SHROOM2: variants seen among roughly 807,000 people sequenced by gnomAD.
SHROOM2 encodes the protein shroom family member 2.
A neutral mutation model predicts 75.9 loss-of-function variants in SHROOM2; 33 were observed. The observed-to-expected ratio is 0.43, with a 90% confidence interval of 0.33 to 0.58. The LOEUF is 0.58. Ranked by LOEUF, SHROOM2 falls within the 20% of genes least tolerant of loss-of-function variation. The pLI is 0.04. For synonymous variants in SHROOM2, 655 were observed against 663.6 expected (o/e 0.99, Z 0.20); for missense variants, 1,434 against 1,461.2 (o/e 0.98, Z 0.30).
chrX:9,787,348 G>GTT (rs2146717389), intron 1 of SHROOM2, among the ~76,000 whole-genome samples: 1 of 112,004 alleles, frequency 8.9e-6, no homozygotes, highest in East Asian at 2.8e-4. Flanking sequence ...TTGTGTGTGT[G>GTT]TGTGTGGTTT....
At chrX:9,890,740 T>A (rs2084286049) in intron 2 of SHROOM2, among the ~76,000 whole-genome samples, 1 of 106,449 alleles carries the variant, frequency 9.4e-6, no homozygotes, top group South Asian at 4.1e-4. Context: ...CTGTGTGTGG[T>A]CTCCAAGTCC....
intron 2 of SHROOM2, among the ~76,000 whole-genome samples, chrX:9,876,106 C>T (rs1427156412): frequency 1.8e-5 from 2 of 112,483 alleles, no homozygotes; most frequent in Non-Finnish European, 3.8e-5. Flanking sequence ...ATTTTGTGTT[C>T]TGCAGACCCA....
At chrX:9,812,931 G>T (rs1350325865) in intron 1 of SHROOM2, among the ~76,000 whole-genome samples, 1 of 112,348 alleles carries the variant, frequency 8.9e-6, no homozygotes, top group Admixed American at 9.4e-5. Flanking sequence ...ACCACATCTG[G>T]TACAGCAGCT....
At chrX:9,890,016 T>C (rs1252693107) in intron 2 of SHROOM2, among the ~76,000 whole-genome samples, 1 of 112,876 alleles carries the variant, frequency 8.9e-6, no homozygotes, top group Non-Finnish European at 1.9e-5. Flanking sequence ...TTTACATTTG[T>C]AAGATTTTAA....
In SHROOM2 at chrX:9,932,712, A is replaced by G; in HGVS notation, c.3429A>G (p.Ala1143=). The G allele has an allele frequency of 1.7e-6, 2 of 1,211,469 alleles. No homozygotes were observed. Among genetic ancestry groups the G allele is most frequent in the Non-Finnish European group, 2.2e-6 (2 of 895,568 alleles). ...ERGSQHVSGD[A]SRPLPEALLP... is the part of the protein sequence containing the mutation. Reference sequence around the variant, plus strand: ...GAAGCCAGCATGTGAGCGGGGACGCATCACGTCCTCTGCCAGAAGCACTGC... The same window carrying G: ...GAAGCCAGCATGTGAGCGGGGACGCGTCACGTCCTCTGCCAGAAGCACTGC... Residue 1143 remains alanine, a synonymous_variant, in exon 6 of 10, where the codon GCA becomes GCG. Transcript: ENST00000380913.
intron 2 of SHROOM2, among the ~76,000 whole-genome samples, chrX:9,876,717 T>A (rs1183096126): frequency 1.8e-5 from 2 of 112,860 alleles, no homozygotes; most frequent in Admixed American, 9.4e-5. Flanking sequence ...CAAGCCTTGT[T>A]TGACTTGTTG....
rs1378769406 is a variant in SHROOM2, at chrX:9,824,336, G to T, written c.165+37626G>T. Among the ~76,000 whole-genome samples the T allele has an allele frequency of 4.5e-5, 5 of 110,782 alleles. No individual in the cohort carries two copies. The Admixed American group carries it at 4.8e-4, about 11-fold the overall frequency. On this transcript the variant is annotated intron_variant, in intron 1 of 9. Transcript: ENST00000380913. The stretch of plus-strand genomic sequence containing the variant: ...GCCTATAATCCCAGCTACTCAGGAG[G>T]CTGAGGCAGGAGAAACTCTTGAACC...
At chrX:9,888,211 G>A (rs1418025065) in intron 2 of SHROOM2, among the ~76,000 whole-genome samples, 1 of 112,110 alleles carries the variant, frequency 8.9e-6, no homozygotes, top group Non-Finnish European at 1.9e-5. Flanking sequence ...AGAAGCTTTG[G>A]GCCTTGGTTC....
At chrX:9,811,872 G>C (rs1464194892) in intron 1 of SHROOM2, among the ~76,000 whole-genome samples, 1 of 111,831 alleles carries the variant, frequency 8.9e-6, no homozygotes, top group Non-Finnish European at 1.9e-5. Context: ...CAGGGTGGCA[G>C]AGTGGAGACC....
intron 1 of SHROOM2, among the ~76,000 whole-genome samples, chrX:9,788,082 A>T (rs956626010): frequency 4.7e-5 from 5 of 106,025 alleles, no homozygotes; most frequent in East Asian, 2.9e-4. Context: ...TTAATTTTTT[A>T]AAATTTTTTG....
intron 1 of SHROOM2, among the ~76,000 whole-genome samples, chrX:9,863,962 G>A (rs1399284891): frequency 2.7e-5 from 3 of 111,182 alleles, no homozygotes; most frequent in East Asian, 2.8e-4. Context: ...GTACTCCAGC[G>A]ACCTTCTAGC....
chrX:9,911,714 C>G (rs938598608), intron 5 of SHROOM2, among the ~76,000 whole-genome samples: 2 of 111,715 alleles, frequency 1.8e-5, no homozygotes, highest in Non-Finnish European at 3.8e-5. Flanking sequence ...GTGCCTTGCA[C>G]ACACTCAAAG....
At chrX:9,818,641 C>T (rs2083835737) in intron 1 of SHROOM2, 1 of 345,490 alleles carries the variant, frequency 2.9e-6, no homozygotes, top group Non-Finnish European at 5.3e-6. Flanking sequence ...GCCTGTATTT[C>T]TTATGTGTTC....
At chrX:9,889,334 G>A (rs6640542) in intron 2 of SHROOM2, among the ~76,000 whole-genome samples, 20,680 of 111,716 alleles carry the variant, frequency 0.19, 1,639 homozygotes, top group East Asian at 0.37. Flanking sequence ...ATTGCATAAT[G>A]TTCTTTAATG....
chrX:9,871,798 A>T (rs2084172572), intron 1 of SHROOM2, among the ~76,000 whole-genome samples: 1 of 111,430 alleles, frequency 9.0e-6, no homozygotes, highest in Non-Finnish European at 1.9e-5. Flanking sequence ...CCACCCCAAG[A>T]AGTAAGCTTG....
At chrX:9,869,261 C>T (rs1243450608) in intron 1 of SHROOM2, among the ~76,000 whole-genome samples, 3 of 112,630 alleles carry the variant, frequency 2.7e-5, no homozygotes, top group Non-Finnish European at 5.6e-5. Context: ...GCACCCAGCC[C>T]CTTGTTTTTA....
At chrX:9,917,002 T>A (rs1329610862) in intron 5 of SHROOM2, among the ~76,000 whole-genome samples, 1 of 111,983 alleles carries the variant, frequency 8.9e-6, no homozygotes, top group Non-Finnish European at 1.9e-5. Flanking sequence ...ATTACTGGTC[T>A]CTTGTTACCA....
intron 1 of SHROOM2, among the ~76,000 whole-genome samples, chrX:9,816,300 A>G (rs1487604317): frequency 8.9e-6 from 1 of 112,509 alleles, no homozygotes; most frequent in African/African-American, 3.2e-5. Context: ...TCAGTGCCCC[A>G]GGCATAGCGC....
chrX:9,830,479 A>T (rs1171077202), intron 1 of SHROOM2, among the ~76,000 whole-genome samples: 1 of 109,107 alleles, frequency 9.2e-6, no homozygotes, highest in Non-Finnish European at 1.9e-5. Flanking sequence ...ATAGAGCTTG[A>T]TAATTCTTAT....
Sources: gnomAD v4.1 joint callset for allele counts (sites outside exome capture counted in the v4.1 genomes callset) on GRCh38, gnomAD v4.1.1 for gene constraint, MANE v1.5 for transcripts, NCBI Gene and HGNC (gene_info 2026-07-23, HGNC 2026-07-21) for gene names.